TNIK: variants seen among roughly 807,000 people sequenced by gnomAD.
TNIK encodes TRAF2 and NCK-interacting protein kinase.
A neutral mutation model predicts 191.3 loss-of-function variants in TNIK; 49 were observed. The ratio of observed to expected loss-of-function variants is 0.26; its 90% CI spans 0.20 to 0.32. The LOEUF is 0.32. TNIK is among the 10% of genes least tolerant of loss of function. The pLI is 1.00. For synonymous variants in TNIK, 594 were observed against 600.9 expected (o/e 0.99, Z 0.17); for missense variants, 1,155 against 1,702.3 (o/e 0.68, Z 5.66).
intron 1 of TNIK, among the ~76,000 whole-genome samples, chr3:171,416,858 G>T (rs1199537225): frequency 6.6e-6 from 1 of 152,064 alleles, no homozygotes; most frequent in African/African-American, 2.4e-5. Flanking sequence ...TGCCAATAAA[G>T]TTCTTATTAA....
chr3:171,230,453 G>C (rs939376252), intron 2 of TNIK, among the ~76,000 whole-genome samples: 2 of 152,148 alleles, frequency 1.3e-5, no homozygotes, highest in Non-Finnish European at 2.9e-5. Context: ...AATGGTACCT[G>C]TAACAGGATA....
chr3:171,146,160 C>T (rs995577694), intron 12 of TNIK, among the ~76,000 whole-genome samples: 28 of 152,198 alleles, frequency 1.8e-4, no homozygotes, highest in South Asian at 6.2e-4. Flanking sequence ...TGGGCAACAG[C>T]GCTGGATGCC....
At chr3:171,172,570 G>A (rs530099734) in intron 9 of TNIK, among the ~76,000 whole-genome samples, 4 of 152,316 alleles carry the variant, frequency 2.6e-5, no homozygotes, top group African/African-American at 9.6e-5. Context: ...TGGTGGAATT[G>A]TATTGCAGAG....
intron 28 of TNIK, among the ~76,000 whole-genome samples, chr3:171,074,421 G>T (rs779676717): frequency 6.6e-5 from 10 of 152,074 alleles, no homozygotes; most frequent in Non-Finnish European, 1.0e-4. Flanking sequence ...TCGCAATTTG[G>T]CTGATGAGTT....
At chr3:171,221,832 T>G (rs1742379081) in intron 3 of TNIK, among the ~76,000 whole-genome samples, 2 of 152,128 alleles carry the variant, frequency 1.3e-5, no homozygotes, top group Admixed American at 1.3e-4. Context: ...TGCAAACTAT[T>G]TACCCATATC....
At chr3:171,313,268 C>A (rs200573875) in intron 2 of TNIK, among the ~76,000 whole-genome samples, 4 of 118,270 alleles carry the variant, frequency 3.4e-5, no homozygotes, top group Non-Finnish European at 5.7e-5. Context: ...TTCTTTCTTT[C>A]TTTTTTTTTA....
At chr3:171,143,149 G>A (rs1315681149) in intron 12 of TNIK, among the ~76,000 whole-genome samples, 2 of 152,148 alleles carry the variant, frequency 1.3e-5, no homozygotes, top group Non-Finnish European at 2.9e-5. Flanking sequence ...AACACATGGA[G>A]GCATCTGCCA....
At chr3:171,328,055 C>T (rs1367590697) in intron 2 of TNIK, among the ~76,000 whole-genome samples, 2 of 152,126 alleles carry the variant, frequency 1.3e-5, no homozygotes, top group Non-Finnish European at 2.9e-5. Flanking sequence ...TGTGTCTGCA[C>T]CCCAAAATTC....
At chr3:171,071,782 A>G (rs192954667) in intron 28 of TNIK, among the ~76,000 whole-genome samples, 52 of 152,270 alleles carry the variant, frequency 3.4e-4, no homozygotes, top group Middle Eastern at 6.8e-3. Flanking sequence ...TTGAATTCCA[A>G]TTACCAAGTG....
At chr3:171,382,784 T>C (rs1359143787) in intron 1 of TNIK, among the ~76,000 whole-genome samples, 5 of 152,208 alleles carry the variant, frequency 3.3e-5, no homozygotes, top group Admixed American at 2.0e-4. Flanking sequence ...TCTAGGCATG[T>C]GGCATGGTCG....
intron 22 of TNIK, 91 bp downstream of exon 22, chr3:171,101,358 T>A: frequency 7.0e-7 from 1 of 1,427,198 alleles, no homozygotes; most frequent in Non-Finnish European, 9.4e-7. Flanking sequence ...CAGACCCATA[T>A]ACAATCTTAC....
chr3:171,248,709 G>A (rs1577245125), intron 2 of TNIK, among the ~76,000 whole-genome samples: 1 of 152,170 alleles, frequency 6.6e-6, no homozygotes, highest in Non-Finnish European at 1.5e-5. Flanking sequence ...AAAAGTCCAG[G>A]TTGTGAATAA....
intron 9 of TNIK, among the ~76,000 whole-genome samples, chr3:171,168,339 T>C (rs1223980337): frequency 2.0e-5 from 3 of 152,146 alleles, no homozygotes; most frequent in Non-Finnish European, 2.9e-5. Context: ...TCTCTGTTGC[T>C]CTCCTGTGGT....
At position 171,129,921 on chromosome 3, in the gene TNIK, G is replaced by A. The variant is rs548635335; in HGVS notation, c.1609-1043C>T. On this transcript the variant is annotated intron_variant, in intron 15 of 32. Coordinates refer to ENST00000436636, the MANE Select transcript of TNIK (RefSeq NM_015028.4). The stretch of plus-strand genomic sequence containing the variant: ...ATGACTTTTCTTCCAGATCTACTGT[G>A]TCCTGTCCTTTATTTCTTCAGGACC... Among the ~76,000 whole-genome samples the A allele has an allele frequency of 1.2e-4, 18 of 152,176 alleles. 1 individual carries two copies. The highest frequency in any genetic ancestry group is 7.2e-5 in the African/African-American group (3 of 41,434).
intron 16 of TNIK, among the ~76,000 whole-genome samples, chr3:171,126,898 G>C (rs1483185551): frequency 6.6e-6 from 1 of 152,254 alleles, no homozygotes; most frequent in African/African-American, 2.4e-5. Context: ...GTCTTTCAGC[G>C]AAGTTGTGGC....
chr3:171,173,600 T>C (rs1254897431), intron 9 of TNIK, among the ~76,000 whole-genome samples: 6 of 152,090 alleles, frequency 3.9e-5, no homozygotes, highest in African/African-American at 7.2e-5. Flanking sequence ...TAATGCTCAA[T>C]TGACAGATTT....
chr3:171,128,927 A>G (rs1438355636), intron 15 of TNIK, 49 bp from the exon 16 acceptor site: 4 of 1,477,462 alleles, frequency 2.7e-6, no homozygotes, highest in Middle Eastern at 1.8e-4. Context: ...AATGTATAGA[A>G]GTAGATCACC....
chr3:171,385,244 G>T (rs1196989702), intron 1 of TNIK, among the ~76,000 whole-genome samples: 2 of 152,060 alleles, frequency 1.3e-5, no homozygotes, highest in Non-Finnish European at 2.9e-5. Context: ...TACTGGGATA[G>T]GAGTGGGAGG....
At chr3:171,337,153 G>T (rs1469138819) in intron 2 of TNIK, among the ~76,000 whole-genome samples, 1 of 152,234 alleles carries the variant, frequency 6.6e-6, no homozygotes, top group East Asian at 1.9e-4. Context: ...GACTCCAGGA[G>T]ATCAGCATTA....
Sources: gnomAD v4.1 joint callset for allele counts (sites outside exome capture counted in the v4.1 genomes callset) on GRCh38, gnomAD v4.1.1 for gene constraint, MANE v1.5 for transcripts, NCBI Gene and HGNC (gene_info 2026-07-23, HGNC 2026-07-21) for gene names.